GPR158: variants seen among roughly 807,000 people sequenced by gnomAD.
GPR158 encodes metabotropic glycine receptor.
GPR158 carries 30 observed loss-of-function variants against 78.2 expected under a neutral mutation model. The ratio of observed to expected loss-of-function variants is 0.38; its 90% CI spans 0.29 to 0.52. The LOEUF is 0.52. GPR158 is among the 20% of genes least tolerant of loss of function. The probability of loss-of-function intolerance (pLI) is 0.83; values close to 1 mark genes in which losing one functional copy is unlikely to be tolerated. For missense variants in GPR158, 1,463 were observed against 1,523.5 expected, an observed-to-expected ratio of 0.96 and a Z score of 0.66; for synonymous variants, 581 against 591.1, an observed-to-expected ratio of 0.98 and a Z score of 0.25.
chr10:25,400,253 T>G (rs1276333840), intron 3 of GPR158, among the ~76,000 whole-genome samples: 1 of 152,112 alleles, frequency 6.6e-6, no homozygotes, highest in Non-Finnish European at 1.5e-5. Context: ...AAGATAAAAT[T>G]TACTTAATTT....
rs1216193268 is a variant in GPR158, at chr10:25,601,597, G to A, written c.*2323G>A. The A allele has an allele frequency of 6.6e-6, 1 of 152,612 alleles. No individual in the cohort carries two copies. The highest frequency in any genetic ancestry group is 1.9e-4 in the East Asian group (1 of 5,190). 9.5% of individuals were successfully genotyped at this position (152,612 alleles called of 1,614,324 possible). On this transcript the variant is annotated 3_prime_UTR_variant, in exon 11 of 11. Transcript: ENST00000376351. ...AATTATATCTTAGCGACATTCTATAGTTCATAGATTATTCTCCACCAGCAT... is the reference window on the plus strand; with the variant it reads ...AATTATATCTTAGCGACATTCTATAATTCATAGATTATTCTCCACCAGCAT...
rs374220877 is a variant in GPR158 at position 25,305,610 on chromosome 10, AAAG to A, written c.1008+84457_1008+84459del. On this transcript the variant is annotated intron_variant, in intron 2 of 10. Transcript: ENST00000376351. Reference sequence around the variant, plus strand: ...TGCTAAGGATGATTCGGAGGTAAAAAAAGAAGGAGAGAGAGGGGTCCTCTGGCA... The same window carrying A: ...TGCTAAGGATGATTCGGAGGTAAAAAAAGGAGAGAGAGGGGTCCTCTGGCA... 6.1e-3 allele frequency among the ~76,000 whole-genome samples: 925 copies of A among 152,258 alleles called. 7 individuals carry two copies. The highest frequency in any genetic ancestry group is 0.014 in the South Asian group (69 of 4,824).
At chr10:25,499,842 C>T (rs547706892) in intron 5 of GPR158, among the ~76,000 whole-genome samples, 3 of 152,176 alleles carry the variant, frequency 2.0e-5, no homozygotes, top group African/African-American at 7.2e-5. Flanking sequence ...GAAAAGGGGC[C>T]CAGTGTGCCT....
chr10:25,308,505 AT>A (rs954966739), intron 2 of GPR158, among the ~76,000 whole-genome samples: 1 of 151,714 alleles, frequency 6.6e-6, no homozygotes, highest in Non-Finnish European at 1.5e-5. Context: ...TTAGTACCAG[AT>A]TTTTTTTCAT....
intron 5 of GPR158, among the ~76,000 whole-genome samples, chr10:25,533,493 A>G (rs1348437024): frequency 6.6e-6 from 1 of 152,168 alleles, no homozygotes; most frequent in Non-Finnish European, 1.5e-5. Context: ...CTATGGCTGT[A>G]TCTTCTCTCT....
chr10:25,471,887 G>C (rs774675150), intron 5 of GPR158, among the ~76,000 whole-genome samples: 5 of 152,018 alleles, frequency 3.3e-5, no homozygotes, highest in South Asian at 2.1e-4. Context: ...AGTAGGTTGC[G>C]AAAATTTTCT....
At chr10:25,503,002 G>C (rs965943611) in intron 5 of GPR158, among the ~76,000 whole-genome samples, 2 of 152,094 alleles carry the variant, frequency 1.3e-5, no homozygotes, top group Admixed American at 6.6e-5. Flanking sequence ...TTTTAGGGAA[G>C]ATCATTTTAA....
At chr10:25,239,566 C>T (rs969931756) in intron 2 of GPR158, among the ~76,000 whole-genome samples, 2 of 150,878 alleles carry the variant, frequency 1.3e-5, no homozygotes, top group South Asian at 2.1e-4. Flanking sequence ...CAAGGTCACA[C>T]CACAGAACTT....
chr10:25,544,590 A>G (rs1836635744), intron 5 of GPR158, among the ~76,000 whole-genome samples: 1 of 152,206 alleles, frequency 6.6e-6, no homozygotes, highest in South Asian at 2.1e-4. Flanking sequence ...ATCATAATTC[A>G]TAAATTCTTC....
At chr10:25,498,963 G>A (rs4747523) in intron 5 of GPR158, among the ~76,000 whole-genome samples, 84,384 of 151,894 alleles carry the variant, frequency 0.56, 25,355 homozygotes, top group African/African-American at 0.8. Flanking sequence ...GCCTCTTCTC[G>A]TGGCCTAAGG....
chr10:25,321,947 A>C (rs1854954264), intron 2 of GPR158, among the ~76,000 whole-genome samples: 1 of 152,228 alleles, frequency 6.6e-6, no homozygotes, highest in Non-Finnish European at 1.5e-5. Flanking sequence ...GAAAATGTTT[A>C]AATCATATTT....
intron 5 of GPR158, among the ~76,000 whole-genome samples, chr10:25,507,467 AT>A (rs1564474179): frequency 6.6e-6 from 1 of 152,224 alleles, no homozygotes; most frequent in Non-Finnish European, 1.5e-5. Context: ...CCAAATGTAT[AT>A]GCAACAAAGC....
At position 25,462,186 on chromosome 10, in the gene GPR158, TAA is replaced by T; in HGVS notation, c.1336-4464_1336-4463del. 3.3e-5 allele frequency among the ~76,000 whole-genome samples: 5 copies of T among 152,326 alleles called. No homozygotes were observed. In the Middle Eastern group the frequency reaches 0.014, roughly 414 times the overall value. ...ACTGTTCTGAAAATCCTGCGGGCCT[TAA>T]GAATCATGCTAAACCAACTCTGCCT... On this transcript the variant is annotated intron_variant, in intron 4 of 10. Coordinates refer to ENST00000376351, the MANE Select transcript of GPR158 (RefSeq NM_020752.3).
intron 2 of GPR158, among the ~76,000 whole-genome samples, chr10:25,319,837 A>C (rs1221691784): frequency 6.6e-6 from 1 of 151,550 alleles, no homozygotes; most frequent in Non-Finnish European, 1.5e-5. Context: ...CCCCAAAAAA[A>C]AACCCTGACC....
At chr10:25,318,012 C>A (rs761372748) in intron 2 of GPR158, among the ~76,000 whole-genome samples, 3 of 152,120 alleles carry the variant, frequency 2.0e-5, no homozygotes, top group Non-Finnish European at 4.4e-5. Context: ...CGTGAGTCAC[C>A]GTGCCTGGCC....
intron 5 of GPR158, among the ~76,000 whole-genome samples, chr10:25,472,045 T>A (rs1835513600): frequency 6.6e-6 from 1 of 152,196 alleles, no homozygotes; most frequent in African/African-American, 2.4e-5. Flanking sequence ...CCCATGCCTA[T>A]GTCCTGAATG....
At position 25,175,386 on chromosome 10, in the gene GPR158, C is replaced by G. The variant is rs183511748; in HGVS notation, c.-35C>G. The G allele has an allele frequency of 3.4e-3, 4,417 of 1,294,572 alleles. 134 individuals carry two copies. The Admixed American group carries it at 0.068, about 20-fold the overall frequency. 80.2% of individuals were successfully genotyped at this position (1,294,572 alleles called of 1,614,324 possible). On this transcript the variant is annotated 5_prime_UTR_variant, in exon 1 of 11. Coordinates refer to ENST00000376351, the MANE Select transcript of GPR158 (RefSeq NM_020752.3). This position sits in a 1 kb window ranked among gnomAD's most constrained non-coding sequence, Gnocchi z 6.4. ...TCCAAATTTAAAAAGTGATTCCCCC[C>G]CCTCCCGTTCCCTCCTCTTCTCTCT...
At chr10:25,419,571 C>T (rs140953090) in intron 4 of GPR158, among the ~76,000 whole-genome samples, 1 of 152,114 alleles carries the variant, frequency 6.6e-6, no homozygotes, top group African/African-American at 2.4e-5. Context: ...ACCACCAAAC[C>T]GTTTTTCACA....
chr10:25,546,276 TAA>T (rs1262656222), intron 5 of GPR158, among the ~76,000 whole-genome samples: 1 of 152,164 alleles, frequency 6.6e-6, no homozygotes, highest in Non-Finnish European at 1.5e-5. Flanking sequence ...TTGAGAAGCC[TAA>T]TAGTCTTCTC....
Sources: allele counts gnomAD v4.1 joint callset (sites outside exome capture counted in the v4.1 genomes callset), GRCh38; gene constraint gnomAD v4.1.1; non-coding constraint Gnocchi (gnomAD v3.1); transcripts MANE v1.5; gene names NCBI Gene and HGNC (gene_info 2026-07-23, HGNC 2026-07-21).